Variants in DRD2 observed in about 807,000 individuals in gnomAD.
DRD2 encodes D(2) dopamine receptor.
In DRD2, 8 loss-of-function variants were observed where a neutral mutation model predicts 38.0. The ratio of observed to expected loss-of-function variants is 0.21; its 90% confidence interval spans 0.12 to 0.38. DRD2 has a LOEUF of 0.38. DRD2 is among the 10% of genes least tolerant of loss of function. DRD2 has a pLI of 1.00. For missense variants in DRD2, 403 were observed against 607.7 expected (o/e 0.66, Z 3.54); for synonymous variants, 230 against 238.6 (o/e 0.96, Z 0.33).
chr11:113,464,775 C>G (rs11214614), intron 1 of DRD2, among the ~76,000 whole-genome samples: 1 of 152,064 alleles, frequency 6.6e-6, no homozygotes, highest in African/African-American at 2.4e-5. Context: ...ATCAGTCCAC[C>G]GATTCTATCA....
At chr11:113,419,670 G>A (rs962643730) in intron 2 of DRD2, among the ~76,000 whole-genome samples, 4 of 152,292 alleles carry the variant, frequency 2.6e-5, no homozygotes, top group South Asian at 2.1e-4. Context: ...AGAGAGGAGC[G>A]TGAAAGCCCC....
chr11:113,430,315 CA>C (rs1477950441), intron 1 of DRD2, among the ~76,000 whole-genome samples: 1 of 152,216 alleles, frequency 6.6e-6, no homozygotes, highest in East Asian at 1.9e-4. Context: ...CTAATCACCA[CA>C]TTTCATAGAC....
intron 1 of DRD2, 46 bp from the exon 2 acceptor site, chr11:113,424,728 GCAGAGGTCTC>G: frequency 6.3e-7 from 1 of 1,582,152 alleles, no homozygotes. Flanking sequence ...AGGGCCTCTT[GCAGAGGTCTC>G]CAGGAAGAAG....
intron 1 of DRD2, among the ~76,000 whole-genome samples, chr11:113,457,906 C>T (rs34771705): frequency 1.3e-5 from 2 of 152,254 alleles, no homozygotes; most frequent in African/African-American, 2.4e-5. Flanking sequence ...CTGAACCTAA[C>T]AGCAGCCTCT....
At chr11:113,426,690 T>C (rs1050104073) in intron 1 of DRD2, among the ~76,000 whole-genome samples, 2 of 152,184 alleles carry the variant, frequency 1.3e-5, no homozygotes, top group African/African-American at 4.8e-5. Context: ...ATGGATCATG[T>C]CCTACCAACC....
At chr11:113,427,507 G>A (rs1042983883) in intron 1 of DRD2, among the ~76,000 whole-genome samples, 1 of 152,072 alleles carries the variant, frequency 6.6e-6, no homozygotes, top group Non-Finnish European at 1.5e-5. Flanking sequence ...TCCTCCTCTT[G>A]TTCTTGGAAT....
At chr11:113,414,059 G>A (rs914103574) in intron 6 of DRD2, 4 of 391,982 alleles carry the variant, frequency 1.0e-5, no homozygotes, top group Non-Finnish European at 2.0e-5. Flanking sequence ...TTACCTCCCG[G>A]GGTCGTGGTG....
chr11:113,466,502 C>G (rs1003410312), intron 1 of DRD2, among the ~76,000 whole-genome samples: 1 of 152,188 alleles, frequency 6.6e-6, no homozygotes, highest in Non-Finnish European at 1.5e-5. Context: ...AACTTCCATG[C>G]CCTGTGACAA....
intron 2 of DRD2, among the ~76,000 whole-genome samples, chr11:113,420,025 A>T (rs545981271): frequency 1.3e-5 from 2 of 152,284 alleles, no homozygotes; most frequent in South Asian, 2.1e-4. Context: ...TGGAGGCAGG[A>T]GGGTACGTAA....
chr11:113,439,579 C>T (rs921848540), intron 1 of DRD2, among the ~76,000 whole-genome samples: 1 of 151,978 alleles, frequency 6.6e-6, no homozygotes, highest in African/African-American at 2.4e-5. Flanking sequence ...GTAGCTCACA[C>T]CTGTAATCCC....
At chr11:113,414,321 G>T (rs1358068991) in intron 6 of DRD2, 54 bp downstream of exon 6, 1 of 1,550,100 alleles carries the variant, frequency 6.5e-7, no homozygotes, top group East Asian at 2.2e-5. Context: ...ATGGCCAGTG[G>T]GCTTCCCTAG....
intron 6 of DRD2, chr11:113,413,379 C>A (rs1362026668): frequency 1.9e-5 from 10 of 521,144 alleles, no homozygotes; most frequent in Non-Finnish European, 3.4e-5. Flanking sequence ...CCTGGATAGA[C>A]TAATCTAGGT....
intron 2 of DRD2, among the ~76,000 whole-genome samples, chr11:113,421,076 G>A (rs1950879999): frequency 6.6e-6 from 1 of 152,152 alleles, no homozygotes. Context: ...AAGCCTCAGA[G>A]GCAAATGACA....
chr11:113,470,694 A>G (rs1010630205), intron 1 of DRD2, among the ~76,000 whole-genome samples: 1 of 152,206 alleles, frequency 6.6e-6, no homozygotes, highest in Non-Finnish European at 1.5e-5. Context: ...AGCCTCTTTC[A>G]GGGCCTCCTA....
At chr11:113,431,496 TCTC>T (rs1950987610) in intron 1 of DRD2, among the ~76,000 whole-genome samples, 1 of 152,090 alleles carries the variant, frequency 6.6e-6, no homozygotes. Context: ...GAGCCAAAGA[TCTC>T]CTCATCTGTC....
At chr11:113,419,622 G>A (rs1307804708) in intron 2 of DRD2, among the ~76,000 whole-genome samples, 2 of 152,122 alleles carry the variant, frequency 1.3e-5, no homozygotes, top group East Asian at 1.9e-4. Flanking sequence ...ATGGAGTCAG[G>A]ACAGGGAGAT....
At position 113,475,057 on chromosome 11, in the gene DRD2, C is replaced by T. The variant is rs1269199292; in HGVS notation, c.-32+19G>A. On this transcript the variant is annotated intron_variant, in intron 1 of 7. Transcript: ENST00000362072. ...CCGTGACACTGAGTCGCCCGCCGCT[C>T]CATCCGGCCGGTGCTTACCTTCAAG... 6.6e-6 allele frequency: 1 copy of T among 152,502 alleles called. No homozygotes were observed. Among genetic ancestry groups the T allele is most frequent in the East Asian group, 1.9e-4 (1 of 5,172 alleles). The allele number at this position is 152,502 out of a possible 1,614,324, so 9.4% of individuals were successfully genotyped here.
At chr11:113,470,611 G>A (rs1278017646) in intron 1 of DRD2, among the ~76,000 whole-genome samples, 1 of 152,194 alleles carries the variant, frequency 6.6e-6, no homozygotes, top group Admixed American at 6.5e-5. Flanking sequence ...ATCCTTACAG[G>A]TGACATCAGA....
At chr11:113,421,747 T>G (rs1448851633) in intron 2 of DRD2, among the ~76,000 whole-genome samples, 2 of 152,114 alleles carry the variant, frequency 1.3e-5, no homozygotes, top group African/African-American at 4.8e-5. Context: ...TGCGTGGTTG[T>G]GAGGGTGCGC....
Sources: gnomAD v4.1 joint callset for allele counts (sites outside exome capture counted in the v4.1 genomes callset) on GRCh38, gnomAD v4.1.1 for gene constraint, MANE v1.5 for transcripts, NCBI Gene and HGNC (gene_info 2026-07-23, HGNC 2026-07-21) for gene names.